MED13L: variants seen among roughly 807,000 people sequenced by gnomAD.
MED13L encodes mediator complex subunit 13L.
A neutral mutation model predicts 220.9 loss-of-function variants in MED13L; 7 were observed. That is an observed-to-expected ratio of 0.03 (90% CI 0.02 to 0.06). The LOEUF (loss-of-function observed/expected upper bound fraction) is 0.06, where lower values mean the gene tolerates loss of function less well. Among genes scored for constraint, MED13L ranks in the 10% least tolerant of loss-of-function variants. The pLI is 1.00. For synonymous variants in MED13L, 1,011 were observed against 1,015.2 expected (o/e 1.00, Z 0.08); for missense variants, 1,965 against 2,760.5 (o/e 0.71, Z 6.46).
chr12:116,049,942 A>G (rs1244324754), intron 4 of MED13L, among the ~76,000 whole-genome samples: 3 of 152,228 alleles, frequency 2.0e-5, no homozygotes, highest in African/African-American at 7.2e-5. Context: ...AATGAGAGAT[A>G]CAAAAACACG....
chr12:116,171,960 CT>C (rs1211734225), intron 2 of MED13L, among the ~76,000 whole-genome samples: 1 of 152,140 alleles, frequency 6.6e-6, no homozygotes, highest in Non-Finnish European at 1.5e-5. Flanking sequence ...TCCCTCTCAG[CT>C]TTTTTAATCA....
intron 2 of MED13L, among the ~76,000 whole-genome samples, chr12:116,117,843 T>C (rs1019769759): frequency 2.6e-5 from 4 of 152,170 alleles, no homozygotes; most frequent in African/African-American, 9.7e-5. Flanking sequence ...GGTCTCGCTC[T>C]TTCACCCAGG....
At chr12:116,103,164 T>A (rs574793576) in intron 3 of MED13L, among the ~76,000 whole-genome samples, 34 of 152,280 alleles carry the variant, frequency 2.2e-4, no homozygotes, top group African/African-American at 7.9e-4. Flanking sequence ...AAATGTCCAT[T>A]CTAATGTAAT....
At chr12:116,234,927 T>C (rs1869929415) in intron 2 of MED13L, among the ~76,000 whole-genome samples, 1 of 152,066 alleles carries the variant, frequency 6.6e-6, no homozygotes, top group South Asian at 2.1e-4. Context: ...CCTCCCAAAG[T>C]GTTGGGATAA....
chr12:116,191,024 G>A (rs758218786), intron 2 of MED13L, among the ~76,000 whole-genome samples: 4 of 151,448 alleles, frequency 2.6e-5, no homozygotes, highest in Admixed American at 6.6e-5. Context: ...CCCAGGAGGC[G>A]GAGGTTGCAG....
At position 116,096,717 on chromosome 12, in the gene MED13L, T is replaced by A; in HGVS notation, c.431A>T (p.Lys144Ile). The A allele has an allele frequency of 6.2e-7, 1 of 1,614,012 alleles. No individual in the cohort carries two copies. ...LMDKNFVRIG[K>I]WFVRPYEKDE... Reference sequence around the variant, plus strand: ...CTTTTCGTAGGGTCGGACAAACCATTTCCCAATCCTAACGAAGTTCTTATC... The same window carrying A: ...CTTTTCGTAGGGTCGGACAAACCATATCCCAATCCTAACGAAGTTCTTATC... The change falls in exon 4 of 31, where the codon AAA becomes ATA. Residue 144 changes from lysine (K) to isoleucine (I), a missense_variant. Lys to Ile is a moderately radical substitution (Grantham distance 102, BLOSUM62 -3). Around this residue, in one of 10 missense-constraint regions of MED13L, gnomAD observed 818 missense variants for 1,041.2 expected, o/e 0.79. Transcript: ENST00000281928.
chr12:116,129,708 A>G (rs929827027), intron 2 of MED13L, among the ~76,000 whole-genome samples: 1 of 152,242 alleles, frequency 6.6e-6, no homozygotes, highest in African/African-American at 2.4e-5. Flanking sequence ...CAGGAGTTCG[A>G]GACCAGCCTG....
In MED13L at chr12:115,968,968, C is replaced by T. The variant is rs761026773; in HGVS notation, c.6197G>A (p.Gly2066Asp). The T allele has an allele frequency of 6.2e-7, 1 of 1,614,010 alleles. No individual in the cohort carries two copies. The highest frequency in any genetic ancestry group is 1.1e-5 in the South Asian group (1 of 91,074). ...ACTATGCTGGAAGTGAGAGCCCACA[C>T]CAATTCCAGAAGGAGAGCCTGGGGA... Reference protein sequence around the residue: ...VPSPGSPSGIGVGSHFQHSRS... With the variant: ...VPSPGSPSGIDVGSHFQHSRS... The change falls in exon 28 of 31, where the codon GGT (glycine) becomes GAT (aspartate). Residue 2066 changes from glycine to aspartate, a missense_variant. By Grantham distance (94) the Gly-to-Asp change is moderately conservative. This residue lies in a region of MED13L where 145 missense variants were observed against 328.3 expected (regional missense o/e 0.44). Coordinates refer to ENST00000281928, the MANE Select transcript of MED13L (RefSeq NM_015335.5).
intron 29 of MED13L, 90 bp downstream of exon 29, chr12:115,965,992 T>C: frequency 2.8e-6 from 4 of 1,449,136 alleles, no homozygotes; most frequent in Middle Eastern, 2.3e-4. Flanking sequence ...AATAAGATTA[T>C]GGTGACTAAA....
Position 115,970,610 on chromosome 12 carries a change from C to T in MED13L, c.6051G>A (p.Gly2017=). ...TCTACTCACCATTGTTGGGGCTAAA[C>T]CCATCTTCATTGGGGTAGTTGGCTG... ...VAPANYPNED[G]FSPNNDDMFV... Residue 2017 remains glycine, a synonymous_variant, in exon 27 of 31, where the codon GGG becomes GGA. Coordinates refer to ENST00000281928, the MANE Select transcript of MED13L (RefSeq NM_015335.5). 1 of 1,613,780 alleles carries T rather than the reference C, an allele frequency of 6.2e-7. No individual in the cohort carries two copies. Among genetic ancestry groups the T allele is most frequent in the Non-Finnish European group, 8.5e-7 (1 of 1,179,812 alleles).
chr12:116,014,018 T>A lies in MED13L; in HGVS notation c.1175+1091A>T, dbSNP rs144292979. The stretch of plus-strand genomic sequence containing the variant: ...GGCATTGCAGATGGAAGTAAAAATA[T>A]CTGTACCAATTATTCTAAAGGAAAG... On this transcript the variant is annotated intron_variant, in intron 8 of 30. Coordinates refer to ENST00000281928, the MANE Select transcript of MED13L (RefSeq NM_015335.5). Among the ~76,000 whole-genome samples, 33 of 152,364 alleles carry A rather than the reference T, an allele frequency of 2.2e-4. No homozygotes were observed. The East Asian group carries it at 5.0e-3, about 23-fold the overall frequency.
intron 3 of MED13L, among the ~76,000 whole-genome samples, chr12:116,103,781 A>C (rs1374185847): frequency 1.3e-5 from 2 of 152,280 alleles, no homozygotes; most frequent in African/African-American, 4.8e-5. Flanking sequence ...CCTTAAGTCT[A>C]AAGACTCATT....
At chr12:116,249,113 T>TCA (rs1871303853) in intron 1 of MED13L, among the ~76,000 whole-genome samples, 1 of 152,174 alleles carries the variant, frequency 6.6e-6, no homozygotes. Flanking sequence ...TTCAACAAGG[T>TCA]CAGGCAGAGA....
intron 20 of MED13L, 138 bp from the exon 21 acceptor site, chr12:115,983,678 TC>T: frequency 1.1e-6 from 1 of 919,292 alleles, no homozygotes; most frequent in Non-Finnish European, 1.7e-6. Context: ...AAATACTATC[TC>T]CACAGTCATG....
At chr12:116,059,118 CGTGCAGT>C (rs1566035803) in intron 4 of MED13L, among the ~76,000 whole-genome samples, 1 of 152,148 alleles carries the variant, frequency 6.6e-6, no homozygotes, top group Admixed American at 6.5e-5. Context: ...CCCAGGATGG[CGTGCAGT>C]CACGCGATCA....
chr12:115,998,484 A>ATC (rs1333316898), intron 14 of MED13L, among the ~76,000 whole-genome samples: 1 of 152,182 alleles, frequency 6.6e-6, no homozygotes, highest in African/African-American at 2.4e-5. Flanking sequence ...GGGGACTTAG[A>ATC]TCTGCTGTGG....
At chr12:116,122,665 T>C (rs1875199916) in intron 2 of MED13L, among the ~76,000 whole-genome samples, 1 of 152,188 alleles carries the variant, frequency 6.6e-6, no homozygotes, top group South Asian at 2.1e-4. Flanking sequence ...TTGATAATAT[T>C]TGGCAGACAG....
intron 4 of MED13L, among the ~76,000 whole-genome samples, chr12:116,063,408 C>T (rs1306349269): frequency 6.6e-6 from 1 of 152,166 alleles, no homozygotes; most frequent in Non-Finnish European, 1.5e-5. Context: ...GTCCCAGCCA[C>T]TTGGGTGGCT....
chr12:116,072,074 T>C (rs1870416242), intron 4 of MED13L, among the ~76,000 whole-genome samples: 1 of 152,206 alleles, frequency 6.6e-6, no homozygotes, highest in Non-Finnish European at 1.5e-5. Flanking sequence ...AAAACTTCCT[T>C]TTAACTGCAA....
Sources: allele counts gnomAD v4.1 joint callset (sites outside exome capture counted in the v4.1 genomes callset), GRCh38; gene constraint gnomAD v4.1.1; regional missense constraint gnomAD v4.1.1; transcripts MANE v1.5; gene names NCBI Gene and HGNC (gene_info 2026-07-23, HGNC 2026-07-21).